Variants in MPHOSPH9 observed in about 807,000 individuals in gnomAD.
MPHOSPH9 encodes M-phase phosphoprotein 9.
Under a neutral mutation model 145.5 loss-of-function variants are expected in MPHOSPH9, and 88 were observed. That is an observed-to-expected ratio of 0.60 (90% confidence interval 0.51 to 0.72). The LOEUF (loss-of-function observed/expected upper bound fraction) is 0.72. MPHOSPH9 is among the 30% of genes least tolerant of loss of function. The probability of loss-of-function intolerance (pLI) is 0.00; values close to 1 mark genes in which losing one functional copy is unlikely to be tolerated. For missense variants in MPHOSPH9, 1,238 were observed against 1,386.6 expected (o/e 0.89, Z 1.70); for synonymous variants, 435 against 486.2 (o/e 0.89, Z 1.39).
At chr12:123,166,166 C>T (rs921791932) in intron 17 of MPHOSPH9, among the ~76,000 whole-genome samples, 5 of 152,162 alleles carry the variant, frequency 3.3e-5, no homozygotes, top group South Asian at 2.1e-4. Context: ...AGTGCAGTGG[C>T]ACAATCATAG....
At chr12:123,212,242 G>A (rs1471171662) in intron 7 of MPHOSPH9, among the ~76,000 whole-genome samples, 1 of 152,090 alleles carries the variant, frequency 6.6e-6, no homozygotes, top group South Asian at 2.1e-4. Flanking sequence ...CTACTGAGAG[G>A]ATAATTAAGA....
In MPHOSPH9 at chr12:123,155,017, T is replaced by TACAC. The variant is rs1030268699; in HGVS notation, c.*1786_*1789dup. ...TAAAAAAAAAAAAAAGATATATACATACACACACACACATAGACATATACA... is the reference window on the plus strand; with the variant it reads ...TAAAAAAAAAAAAAAGATATATACATACACACACACACACACATAGACATATACA... On this transcript the variant is annotated 3_prime_UTR_variant, in exon 24 of 24. Coordinates refer to ENST00000606320, the MANE Select transcript of MPHOSPH9 (RefSeq NM_022782.4). 1 of 147,184 alleles carries TACAC rather than the reference T, an allele frequency of 6.8e-6. No individual in the cohort carries two copies. Among genetic ancestry groups the TACAC allele is most frequent in the African/African-American group, 2.5e-5 (1 of 40,210 alleles). 9.1% of individuals were successfully genotyped at this position (147,184 alleles called of 1,614,324 possible). A position where few individuals can be genotyped will look rare whatever the true frequency, so the allele number is the denominator to read the frequency against.
chr12:123,186,466 T>C (rs970032628), intron 13 of MPHOSPH9, among the ~76,000 whole-genome samples: 1 of 152,154 alleles, frequency 6.6e-6, no homozygotes, highest in East Asian at 1.9e-4. Context: ...TCTTACAATT[T>C]TTCTGCAGGC....
chr12:123,226,988 A>T (rs2047462901), intron 3 of MPHOSPH9, among the ~76,000 whole-genome samples: 1 of 152,286 alleles, frequency 6.6e-6, no homozygotes, highest in South Asian at 2.1e-4. Context: ...TTAACCTATG[A>T]ACCAAAGAAA....
intron 11 of MPHOSPH9, 127 bp from the exon 12 acceptor site, chr12:123,198,461 A>G (rs2046071140): frequency 1.3e-6 from 1 of 742,312 alleles, no homozygotes; most frequent in African/African-American, 1.8e-5. Flanking sequence ...AAGACTCAGG[A>G]TGCCATTTTA....
intron 1 of MPHOSPH9, among the ~76,000 whole-genome samples, chr12:123,239,606 G>A (rs2047899535): frequency 1.3e-5 from 2 of 152,148 alleles, no homozygotes; most frequent in South Asian, 2.1e-4. Context: ...GTTTCACCGT[G>A]TTAGCCAGGA....
intron 16 of MPHOSPH9, among the ~76,000 whole-genome samples, chr12:123,171,025 G>A (rs931232466): frequency 6.6e-6 from 1 of 152,172 alleles, no homozygotes; most frequent in Non-Finnish European, 1.5e-5. Flanking sequence ...AGCCATCAGG[G>A]ATCTGTGCGC....
chr12:123,237,805 T>A (rs1215466207), upstream of MPHOSPH9, among the ~76,000 whole-genome samples: 1 of 152,166 alleles, frequency 6.6e-6, no homozygotes, highest in African/African-American at 2.4e-5. Context: ...GGATTTCAGA[T>A]ACCTACAGCA....
intron 11 of MPHOSPH9, among the ~76,000 whole-genome samples, chr12:123,200,542 T>A (rs1288367239): frequency 6.6e-6 from 1 of 152,204 alleles, no homozygotes; most frequent in African/African-American, 2.4e-5. Context: ...TGACTGGCTA[T>A]AATTTATTCT....
At chr12:123,227,010 C>T (rs2047463359) in intron 3 of MPHOSPH9, among the ~76,000 whole-genome samples, 1 of 152,096 alleles carries the variant, frequency 6.6e-6, no homozygotes, top group South Asian at 2.1e-4. Context: ...AACCACTGAT[C>T]TGAAAACAAT....
intron 13 of MPHOSPH9, among the ~76,000 whole-genome samples, chr12:123,185,249 AAGAAATAACAACATTAG>A (rs2045390488): frequency 1.3e-5 from 2 of 152,212 alleles, no homozygotes; most frequent in Admixed American, 6.5e-5. Flanking sequence ...AATATTCTCA[AAGAAATAACAACATTAG>A]ATTCAAAACA....
Position 123,218,421 on chromosome 12 carries a change from T to C in MPHOSPH9, c.951A>G (p.Arg317=). The change falls in exon 6 of 24, where the codon AGA becomes AGG. Residue 317 remains arginine, a synonymous_variant. Coordinates refer to ENST00000606320, the MANE Select transcript of MPHOSPH9 (RefSeq NM_022782.4). ...KRAHVEDGGS[R]SKQGNEQSKK... ...TACTTTGCTCATTTCCTTGTTTAGA[T>C]CTTGAACCTCCATCTTCTACATGTG... The C allele has an allele frequency of 6.2e-7, 1 of 1,614,102 alleles. No homozygotes were observed. The highest frequency in any genetic ancestry group is 8.5e-7 in the Non-Finnish European group (1 of 1,179,942).
intron 1 of MPHOSPH9, among the ~76,000 whole-genome samples, chr12:123,242,442 G>C (rs906333539): frequency 1.3e-5 from 2 of 152,070 alleles, no homozygotes; most frequent in Admixed American, 1.3e-4. Context: ...AAAGACTTTG[G>C]ATTACTCTGT....
chr12:123,224,195 C>T (rs2047343350), intron 3 of MPHOSPH9, among the ~76,000 whole-genome samples: 1 of 139,844 alleles, frequency 7.2e-6, no homozygotes, highest in Admixed American at 7.8e-5. Context: ...AGTGCAGTGG[C>T]ATGATCTCGG....
chr12:123,169,981 T>A (rs2044502425), intron 16 of MPHOSPH9, among the ~76,000 whole-genome samples: 1 of 150,564 alleles, frequency 6.6e-6, no homozygotes, highest in Non-Finnish European at 1.5e-5. Flanking sequence ...TTTTTAAATG[T>A]CTTTTTTTTT....
At chr12:123,243,327 G>A (rs1040397821) in intron 1 of MPHOSPH9, among the ~76,000 whole-genome samples, 4 of 151,924 alleles carry the variant, frequency 2.6e-5, no homozygotes, top group Admixed American at 2.0e-4. Flanking sequence ...TCAGGAAATC[G>A]AGAACAGCCT....
At chr12:123,233,142 AG>A (rs1565985554), upstream of MPHOSPH9, 1 of 151,754 alleles carries the variant, frequency 6.6e-6, no homozygotes, top group Non-Finnish European at 1.5e-5. Context: ...TACCCGAGGG[AG>A]CGCGCGCGCG....
intron 13 of MPHOSPH9, among the ~76,000 whole-genome samples, chr12:123,189,468 T>C (rs1442945621): frequency 6.6e-6 from 1 of 152,180 alleles, no homozygotes; most frequent in Non-Finnish European, 1.5e-5. Flanking sequence ...GAAATGTTCA[T>C]AGTAGCATTG....
chr12:123,154,554 C>T lies in MPHOSPH9; in HGVS notation c.*2253G>A, dbSNP rs1422861724. ...CAGAAGATGTTTTGATGGAGGTTAA[C>T]GCCTTTTTTGGAATAAGCCAATATA... is the stretch of plus-strand genomic sequence containing the variant. On this transcript the variant is annotated 3_prime_UTR_variant, in exon 24 of 24. Coordinates refer to ENST00000606320, the MANE Select transcript of MPHOSPH9 (RefSeq NM_022782.4). 4 of 152,250 alleles carry T rather than the reference C, an allele frequency of 2.6e-5. No individual in the cohort carries two copies. Among genetic ancestry groups the T allele is most frequent in the Non-Finnish European group, 5.9e-5 (4 of 68,022 alleles). 9.4% of individuals were successfully genotyped at this position (152,250 alleles called of 1,614,324 possible).
Sources: gnomAD v4.1 joint callset for allele counts (sites outside exome capture counted in the v4.1 genomes callset) on GRCh38, gnomAD v4.1.1 for gene constraint, MANE v1.5 for transcripts, NCBI Gene and HGNC (gene_info 2026-07-23, HGNC 2026-07-21) for gene names.